The following GCN1 variants were observed in gnomAD, a reference collection of about 807,000 sequenced individuals.
GCN1 encodes the protein GCN1 activator of EIF2AK4.
In GCN1, 90 loss-of-function variants were observed where a neutral mutation model predicts 288.4. The observed-to-expected ratio is 0.31, with a 90% CI of 0.26 to 0.37. GCN1 has a LOEUF of 0.37. GCN1 is among the 10% of genes least tolerant of loss of function. The pLI, the probability that GCN1 is intolerant of heterozygous loss-of-function variation, is 1.00. For synonymous variants in GCN1, 1,386 were observed against 1,420.2 expected, an observed-to-expected ratio of 0.98 and a Z score of 0.54; for missense variants, 2,586 against 3,419.9, an observed-to-expected ratio of 0.76 and a Z score of 6.08.
At chr12:120,161,219 C>T (rs1877914725) in intron 22 of GCN1, among the ~76,000 whole-genome samples, 2 of 152,162 alleles carry the variant, frequency 1.3e-5, no homozygotes, top group South Asian at 4.1e-4. Flanking sequence ...ACATGGAATC[C>T]AGCAACACCA....
At chr12:120,135,017 G>A (rs1245151445) in intron 51 of GCN1, among the ~76,000 whole-genome samples, 1 of 152,234 alleles carries the variant, frequency 6.6e-6, no homozygotes, top group Non-Finnish European at 1.5e-5. Context: ...GTTTGGCTTA[G>A]TGGAGACCTG....
At chr12:120,168,989 T>C (rs191133519) in intron 15 of GCN1, among the ~76,000 whole-genome samples, 26 of 151,600 alleles carry the variant, frequency 1.7e-4, no homozygotes, top group African/African-American at 4.3e-4. Flanking sequence ...AGTGCAGAGA[T>C]TGGGAGATGA....
At chr12:120,164,952 C>CATATACACAT (rs566820018) in intron 16 of GCN1, among the ~76,000 whole-genome samples, 1 of 146,948 alleles carries the variant, frequency 6.8e-6, no homozygotes, top group Admixed American at 6.8e-5. Context: ...AATATACACA[C>CATATACACAT]ATATACACAT....
At chr12:120,154,864 G>T in intron 31 of GCN1, 106 bp downstream of exon 31, 1 of 1,249,556 alleles carries the variant, frequency 8.0e-7, no homozygotes, top group Non-Finnish European at 1.2e-6. Context: ...TCTGAGGGAG[G>T]TCCTGCTCTT....
intron 16 of GCN1, 50 bp from the exon 17 acceptor site, chr12:120,164,771 C>T (rs1040518813): frequency 2.6e-6 from 3 of 1,162,910 alleles, no homozygotes; most frequent in African/African-American, 1.5e-5. Context: ...GTTAAGTGTA[C>T]ACATACATAC....
At position 120,127,507 on chromosome 12, in the gene GCN1, C is replaced by G. The variant is rs753918853; in HGVS notation, c.*342G>C. 1 of 229,208 alleles carries G rather than the reference C, an allele frequency of 4.4e-6. No individual in the cohort carries two copies. Among genetic ancestry groups the G allele is most frequent in the Non-Finnish European group, 8.8e-6 (1 of 113,474 alleles). 14.2% of individuals were successfully genotyped at this position (229,208 alleles called of 1,614,324 possible). A position where few individuals can be genotyped will look rare whatever the true frequency, so the allele number is the denominator to read the frequency against. ...AAGGTTGGTAGCGCCAGCTCTCAAA[C>G]CAGAGCTCAAGCACAGGAGAAGAGG... On this transcript the variant is annotated 3_prime_UTR_variant, in exon 58 of 58. Coordinates refer to ENST00000300648, the MANE Select transcript of GCN1 (RefSeq NM_006836.2).
chr12:120,127,674 G>C lies in GCN1; in HGVS notation c.*175C>G. The C allele has an allele frequency of 5.6e-6, 4 of 719,734 alleles. No homozygotes were observed. The highest frequency in any genetic ancestry group is 9.3e-6 in the Non-Finnish European group (4 of 430,504). The allele number at this position is 719,734 out of a possible 1,614,324, so 44.6% of individuals were successfully genotyped here. ...ACAGGAAAAGGTGAGAGATGGAGGA[G>C]GCAATTTTCAGTTGTGTGTGGGTTT... On this transcript the variant is annotated 3_prime_UTR_variant, in exon 58 of 58. Transcript: ENST00000300648.
intron 46 of GCN1, 65 bp downstream of exon 46, chr12:120,138,630 T>A (rs1877088120): frequency 9.4e-6 from 14 of 1,495,384 alleles, no homozygotes. Flanking sequence ...AATCGCCCTG[T>A]ATTTTCCATC....
chr12:120,158,681 A>T lies in GCN1; in HGVS notation c.2750-66T>A. The T allele has an allele frequency of 7.3e-7, 1 of 1,373,314 alleles. No homozygotes were observed. Among genetic ancestry groups the T allele is most frequent in the South Asian group, 1.4e-5 (1 of 71,832 alleles). The allele number at this position is 1,373,314 out of a possible 1,614,324, so 85.1% of individuals were successfully genotyped here. A position where few individuals can be genotyped will look rare whatever the true frequency, so the allele number is the denominator to read the frequency against. On this transcript the variant is annotated intron_variant, in intron 24 of 57. Transcript: ENST00000300648. This position sits in a 1 kb window ranked among gnomAD's most constrained non-coding sequence, Gnocchi z 4.3. ...GAGATGTGGAATCCAGCCCAGGCTA[A>T]AACAGGGGACCCAGTGCCTCATCCT... is the stretch of plus-strand genomic sequence containing the variant.
At chr12:120,187,562 G>A (rs1431189361) in intron 2 of GCN1, among the ~76,000 whole-genome samples, 1 of 151,650 alleles carries the variant, frequency 6.6e-6, no homozygotes, top group East Asian at 1.9e-4. Context: ...TCACCTAAAG[G>A]ACTCGTTAAA....
chr12:120,175,696 T>C (rs910112398), intron 11 of GCN1, 50 bp downstream of exon 11: 3 of 1,571,156 alleles, frequency 1.9e-6, no homozygotes, highest in Non-Finnish European at 1.7e-6. Flanking sequence ...TTGAGGGAAA[T>C]ACCAGGGGCC....
chr12:120,161,963 AG>A lies in GCN1; in HGVS notation c.2258del (p.Pro753LeufsTer6). 1 of 1,614,104 alleles carries A rather than the reference AG, an allele frequency of 6.2e-7. No individual in the cohort carries two copies. Among genetic ancestry groups the A allele is most frequent in the Non-Finnish European group, 8.5e-7 (1 of 1,180,016 alleles). ...ISTITASVQN[P>X]ALRLVTREEF... Reference sequence around the variant, plus strand: ...CCTCCCGCGTCACCAGGCGCAGTGCAGGGTTCTGCACGGAGGCAGTGATGGT... The same window carrying A: ...CCTCCCGCGTCACCAGGCGCAGTGCAGGTTCTGCACGGAGGCAGTGATGGT... On this transcript the variant is annotated frameshift_variant, in exon 21 of 58. Coordinates refer to ENST00000300648, the MANE Select transcript of GCN1 (RefSeq NM_006836.2). LOFTEE classifies it high-confidence loss of function.
chr12:120,153,689 C>T lies in GCN1; in HGVS notation c.3867+55G>A, dbSNP rs944582761. 3.6e-5 allele frequency: 55 copies of T among 1,542,814 alleles called. No individual in the cohort carries two copies. The African/African-American group carries it at 4.7e-4, about 13-fold the overall frequency. ...GCGCCTGCCTCCCGTGTCTCCTTAG[C>T]GGGCTGGGACCCCCTTACCTTCCCG... On this transcript the variant is annotated intron_variant, in intron 32 of 57. Transcript: ENST00000300648. This position sits in a 1 kb window ranked among gnomAD's most constrained non-coding sequence, Gnocchi z 4.4.
chr12:120,193,383 G>T (rs1040626153), intron 1 of GCN1, among the ~76,000 whole-genome samples: 1 of 151,872 alleles, frequency 6.6e-6, no homozygotes, highest in Admixed American at 6.6e-5. Context: ...TCAGCTCACT[G>T]CAACCTCTGC....
chr12:120,178,023 T>C (rs1007245265), intron 7 of GCN1, among the ~76,000 whole-genome samples: 3 of 152,124 alleles, frequency 2.0e-5, no homozygotes, highest in Non-Finnish European at 2.9e-5. Context: ...AACCCATTCC[T>C]GCCACTCCAA....
In GCN1 at chr12:120,168,510, G is replaced by A. The variant is rs1878205446; in HGVS notation, c.1520-210C>T. ...TTCGGTGGCTCTCTGCTGCCTACAG[G>A]ATCCTAGGTGAACTGCTTCTCATCC... is the stretch of plus-strand genomic sequence containing the variant. On this transcript the variant is annotated intron_variant, in intron 15 of 57. Coordinates refer to ENST00000300648, the MANE Select transcript of GCN1 (RefSeq NM_006836.2). The A allele has an allele frequency of 6.1e-6, 3 of 493,936 alleles. No individual in the cohort carries two copies. The South Asian group carries it at 7.1e-5, about 12-fold the overall frequency. 30.6% of individuals were successfully genotyped at this position (493,936 alleles called of 1,614,324 possible). A position where few individuals can be genotyped will look rare whatever the true frequency, so the allele number is the denominator to read the frequency against.
chr12:120,148,599 G>A (rs1231367146), intron 36 of GCN1, among the ~76,000 whole-genome samples: 1 of 152,172 alleles, frequency 6.6e-6, no homozygotes, highest in Non-Finnish European at 1.5e-5. Flanking sequence ...GTAAGACCTG[G>A]TTTAATCCTT....
At position 120,155,649 on chromosome 12, in the gene GCN1, C is replaced by T. The variant is rs369635504; in HGVS notation, c.3383G>A (p.Arg1128Gln). Residue 1128 changes from arginine to glutamine, a missense_variant, in exon 29 of 58, where the codon CGG (arginine) becomes CAG (glutamine). Physicochemically the swap from Arg to Gln is conservative, Grantham distance 43. This residue lies in a region of GCN1 where 332 missense variants were observed against 403.0 expected (regional missense o/e 0.82). Transcript: ENST00000300648. This position sits in a 1 kb window ranked among gnomAD's most constrained non-coding sequence, Gnocchi z 4.9. ...GTCAAACTTGACCACCCAGAGTCTC[C>T]GCAGAAGGTTCAGGCCATTCTTCTC... is the stretch of plus-strand genomic sequence containing the variant. Reference protein sequence around the residue: ...TDEKNGLNLLRRLWVVKFDKE... With the variant: ...TDEKNGLNLLQRLWVVKFDKE... The T allele has an allele frequency of 6.2e-6, 10 of 1,614,026 alleles. No homozygotes were observed. The highest frequency in any genetic ancestry group is 2.2e-5 in the East Asian group (1 of 44,886).
At chr12:120,185,505 A>G (rs78157981) in intron 2 of GCN1, among the ~76,000 whole-genome samples, 2,753 of 152,322 alleles carry the variant, frequency 0.018, 54 homozygotes, top group Non-Finnish European at 0.027. Context: ...ATAACACCCT[A>G]GCTCTTAGTG....
Sources: allele counts gnomAD v4.1 joint callset (sites outside exome capture counted in the v4.1 genomes callset), GRCh38; gene constraint gnomAD v4.1.1; regional missense constraint gnomAD v4.1.1; non-coding constraint Gnocchi (gnomAD v3.1); transcripts MANE v1.5; gene names NCBI Gene and HGNC (gene_info 2026-07-23, HGNC 2026-07-21).